ATP9B: variants seen among roughly 807,000 people sequenced by gnomAD.
The protein encoded by ATP9B is ATPase phospholipid transporting 9B.
ATP9B carries 110 observed loss-of-function variants against 146.1 expected under a neutral mutation model. That is an observed-to-expected ratio of 0.75 (90% CI 0.65 to 0.88). The LOEUF is 0.88. ATP9B is among the 40% of genes least tolerant of loss of function. ATP9B has a pLI of 0.00. For missense variants in ATP9B, 1,499 were observed against 1,496.4 expected (o/e 1.00, Z -0.03); for synonymous variants, 604 against 569.7 (o/e 1.06, Z -0.86).
intron 10 of ATP9B, chr18:79,209,666 C>T (rs2095566136): frequency 1.0e-6 from 1 of 985,236 alleles, no homozygotes; most frequent in Non-Finnish European, 1.2e-6. Context: ...AGTGTTGTGT[C>T]TTCCTAGTGG....
At chr18:79,177,516 T>C (rs1315083242) in intron 8 of ATP9B, among the ~76,000 whole-genome samples, 1 of 152,156 alleles carries the variant, frequency 6.6e-6, no homozygotes. Flanking sequence ...GTGCTGGGAT[T>C]ACAGGTTTGA....
intron 25 of ATP9B, among the ~76,000 whole-genome samples, chr18:79,356,834 A>G (rs868402633): frequency 0.013 from 608 of 47,760 alleles, 8 homozygotes; most frequent in South Asian, 0.029. Flanking sequence ...TGTGTGAGGG[A>G]TGCTCTGGGT....
At chr18:79,238,158 A>G (rs187984667) in intron 11 of ATP9B, among the ~76,000 whole-genome samples, 3 of 152,234 alleles carry the variant, frequency 2.0e-5, no homozygotes, top group Admixed American at 1.3e-4. Flanking sequence ...TTGAGTTCAT[A>G]TACTCTGCAT....
At chr18:79,347,638 C>T in intron 23 of ATP9B, 132 bp from the exon 24 acceptor site, 1 of 1,125,860 alleles carries the variant, frequency 8.9e-7, no homozygotes, top group Non-Finnish European at 1.2e-6. Flanking sequence ...ATCGACGGAG[C>T]TGAAGCTTTA....
chr18:79,255,704 C>A (rs2096070671), intron 12 of ATP9B, among the ~76,000 whole-genome samples: 1 of 152,220 alleles, frequency 6.6e-6, no homozygotes, highest in Non-Finnish European at 1.5e-5. Flanking sequence ...CACTCAAAGA[C>A]CTTCTGACGA....
chr18:79,201,363 A>C (rs2095486020), intron 9 of ATP9B, among the ~76,000 whole-genome samples: 1 of 152,216 alleles, frequency 6.6e-6, no homozygotes, highest in African/African-American at 2.4e-5. Flanking sequence ...GGCATTGTTA[A>C]GGAGTGGTAT....
chr18:79,082,938 G>A (rs2073420658), intron 1 of ATP9B, among the ~76,000 whole-genome samples: 1 of 152,192 alleles, frequency 6.6e-6, no homozygotes. Flanking sequence ...GCGCTGTGCT[G>A]GGAGATACAC....
At chr18:79,362,595 C>G (rs554934369) in intron 26 of ATP9B, 11 of 152,338 alleles carry the variant, frequency 7.2e-5, no homozygotes, top group African/African-American at 2.4e-4. Context: ...CTACTCATCT[C>G]TCTCCTAACT....
intron 9 of ATP9B, among the ~76,000 whole-genome samples, chr18:79,197,024 A>C (rs1568380156): frequency 6.6e-6 from 1 of 152,200 alleles, no homozygotes; most frequent in Admixed American, 6.5e-5. Flanking sequence ...TTTGTTCCCC[A>C]GTAATTTTTA....
At chr18:79,154,655 G>A in intron 7 of ATP9B, 100 bp downstream of exon 7, 1 of 710,286 alleles carries the variant, frequency 1.4e-6, no homozygotes, top group Non-Finnish European at 2.2e-6. Context: ...TACATTTTTA[G>A]TATGCTGCAG....
rs1054117101 is a variant in ATP9B at position 79,206,943 on chromosome 18, A to G, written c.961A>G (p.Ser321Gly). Residue 321 changes from serine (S) to glycine (G), a missense_variant, in exon 10 of 30, where the codon AGT becomes GGT. Transcript: ENST00000426216. ...SFEGTFTRED[S>G]DPPIHESLSI... ...TTTTTGTCTCCCTGCACAGGAAGAC[A>G]GTGACCCGCCCATTCATGAAAGTCT... The G allele has an allele frequency of 3.1e-6, 5 of 1,613,912 alleles. No homozygotes were observed. Among genetic ancestry groups the G allele is most frequent in the East Asian group, 2.2e-5 (1 of 44,902 alleles).
At chr18:79,133,820 C>G (rs905146381) in intron 5 of ATP9B, among the ~76,000 whole-genome samples, 5 of 152,158 alleles carry the variant, frequency 3.3e-5, no homozygotes, top group Admixed American at 3.3e-4. Context: ...GAGGTCTGCC[C>G]CCCGCAGCCT....
chr18:79,375,131 G>GTCTGT (rs2097095677), intron 28 of ATP9B, among the ~76,000 whole-genome samples: 1 of 152,222 alleles, frequency 6.6e-6, no homozygotes, highest in Non-Finnish European at 1.5e-5. Flanking sequence ...TCTCAGACCT[G>GTCTGT]GATAGGTCTC....
At chr18:79,169,897 A>AT (rs1326162441) in intron 7 of ATP9B, among the ~76,000 whole-genome samples, 3 of 152,092 alleles carry the variant, frequency 2.0e-5, no homozygotes, top group Non-Finnish European at 2.9e-5. Flanking sequence ...CTGTTTACCT[A>AT]TTTTTTCATT....
At chr18:79,071,800 C>A (rs2071858847) in intron 1 of ATP9B, among the ~76,000 whole-genome samples, 1 of 150,522 alleles carries the variant, frequency 6.6e-6, no homozygotes, top group Admixed American at 6.6e-5. Flanking sequence ...TCTCTGGCTG[C>A]TTTCAAGTTT....
chr18:79,320,436 G>GGCT (rs1369317429), intron 15 of ATP9B, among the ~76,000 whole-genome samples: 5 of 152,212 alleles, frequency 3.3e-5, no homozygotes, highest in Non-Finnish European at 5.9e-5. Flanking sequence ...GGGAGGGCCT[G>GGCT]GCTGCGCGGC....
chr18:79,080,029 A>G (rs1039070101), intron 1 of ATP9B, among the ~76,000 whole-genome samples: 4 of 151,788 alleles, frequency 2.6e-5, no homozygotes. Context: ...TACCAGTACT[A>G]TACTGTTACT....
chr18:79,238,666 C>T (rs545959426), intron 11 of ATP9B, among the ~76,000 whole-genome samples: 2 of 152,308 alleles, frequency 1.3e-5, no homozygotes, highest in Admixed American at 1.3e-4. Context: ...TGTGGCGCCC[C>T]GGCCTGTCCT....
intron 9 of ATP9B, among the ~76,000 whole-genome samples, chr18:79,200,789 G>GGGAACGTTGGGGGCAGAGCA (rs1244770040): frequency 1.3e-5 from 1 of 79,122 alleles, no homozygotes; most frequent in Non-Finnish European, 2.9e-5. Context: ...AAGTAGTGGT[G>GGGAACGTTGGGGGCAGAGCA]GAATTGTTTT....
Sources: allele counts gnomAD v4.1 joint callset (sites outside exome capture counted in the v4.1 genomes callset), GRCh38; gene constraint gnomAD v4.1.1; transcripts MANE v1.5; gene names NCBI Gene and HGNC (gene_info 2026-07-23, HGNC 2026-07-21).